Variants in PLB1 observed in about 807,000 individuals in gnomAD.
The protein encoded by PLB1 is phospholipase B1, membrane-associated.
A neutral mutation model predicts 227.4 loss-of-function variants in PLB1; 242 were observed. The observed-to-expected ratio is 1.06, with a 90% confidence interval of 0.96 to 1.18. The LOEUF (loss-of-function observed/expected upper bound fraction) is 1.18, where lower values mean the gene tolerates loss of function less well. PLB1 is among the 50% of genes most tolerant of loss of function. The pLI is 0.00. For missense variants in PLB1, 1,858 were observed against 1,816.3 expected (o/e 1.02, Z -0.42); for synonymous variants, 757 against 682.2 (o/e 1.11, Z -1.71).
At chr2:28,560,765 A>G (rs1281019238) in intron 17 of PLB1, among the ~76,000 whole-genome samples, 2 of 152,250 alleles carry the variant, frequency 1.3e-5, no homozygotes, top group African/African-American at 4.8e-5. Flanking sequence ...TTTACATGAA[A>G]TATCCAGAAT....
intron 17 of PLB1, among the ~76,000 whole-genome samples, chr2:28,558,154 CTCTG>C (rs752332258): frequency 4.7e-5 from 4 of 84,296 alleles, no homozygotes; most frequent in East Asian, 1.1e-3. Context: ...GTGTGTGTGT[CTCTG>C]TGTGTGTGTG....
chr2:28,519,611 G>A (rs1669251919), intron 3 of PLB1, 94 bp from the exon 4 acceptor site: 1 of 925,262 alleles, frequency 1.1e-6, no homozygotes, highest in African/African-American at 1.7e-5. Flanking sequence ...TCCAGGGGCT[G>A]GGGAATGTGA....
intron 49 of PLB1, among the ~76,000 whole-genome samples, chr2:28,623,328 G>A (rs1345747289): frequency 6.6e-6 from 1 of 152,194 alleles, no homozygotes; most frequent in Non-Finnish European, 1.5e-5. Flanking sequence ...GTAGGACTTG[G>A]TCTGGGCCTG....
Position 28,549,412 on chromosome 2 carries a change from CTTTTTTTTTT to C in PLB1, c.1008+494_1008+503del, listed in dbSNP as rs746205635. ...TGGACATAAATGAATGAGATTCTTT[CTTTTTTTTTT>C]TTTTTTTTTTTTGAGACGGAGTCTC... On this transcript the variant is annotated intron_variant, in intron 15 of 57. Coordinates refer to ENST00000327757, the MANE Select transcript of PLB1 (RefSeq NM_153021.5). Among the ~76,000 whole-genome samples, 188 of 87,300 alleles carry C rather than the reference CTTTTTTTTTT, an allele frequency of 2.2e-3. 2 individuals carry two copies. The highest frequency in any genetic ancestry group is 5.3e-3 in the South Asian group (12 of 2,244). The allele number at this position is 87,300 out of a possible 152,430, so 57.3% of individuals were successfully genotyped here.
chr2:28,640,836 G>A (rs1228942365), intron 56 of PLB1, 91 bp from the exon 57 acceptor site: 7 of 1,339,466 alleles, frequency 5.2e-6, no homozygotes, highest in Admixed American at 2.3e-5. Context: ...CCCCGTTCCC[G>A]AGGGAGGGGC....
intron 6 of PLB1, 98 bp from the exon 7 acceptor site, chr2:28,529,219 A>G: frequency 1.3e-6 from 1 of 787,946 alleles, no homozygotes; most frequent in East Asian, 2.5e-5. Context: ...TACTGAGATT[A>G]TAGGCATGAG....
Position 28,601,966 on chromosome 2 carries a change from T to C in PLB1, c.2673+2T>C, listed in dbSNP as rs1683981749. 2 of 1,608,258 alleles carry C rather than the reference T, an allele frequency of 1.2e-6. No homozygotes were observed. The highest frequency in any genetic ancestry group is 1.7e-6 in the Non-Finnish European group (2 of 1,175,162). On this transcript the variant is annotated splice_donor_variant, in intron 38 of 57. Coordinates refer to ENST00000327757, the MANE Select transcript of PLB1 (RefSeq NM_153021.5). LOFTEE classifies it high-confidence loss of function. ...GCCTTGGACGTCCTGCATAGAGAGG[T>C]GGGTGGGGGGCTTCCACAAGCTGGT...
intron 4 of PLB1, among the ~76,000 whole-genome samples, chr2:28,522,724 C>A (rs557046985): frequency 1.2e-4 from 18 of 152,338 alleles, no homozygotes; most frequent in South Asian, 4.1e-4. Flanking sequence ...CTCGGCCCCC[C>A]CTTCTCAGGA....
At chr2:28,546,931 G>A (rs1003658043) in intron 14 of PLB1, among the ~76,000 whole-genome samples, 1 of 152,124 alleles carries the variant, frequency 6.6e-6, no homozygotes, top group African/African-American at 2.4e-5. Flanking sequence ...TGGGCGTGGT[G>A]GCTCATGCTT....
chr2:28,540,154 C>G (rs539751423), intron 11 of PLB1, among the ~76,000 whole-genome samples: 1 of 144,358 alleles, frequency 6.9e-6, no homozygotes, highest in Non-Finnish European at 1.5e-5. Flanking sequence ...CCCCCAGGAA[C>G]AGCTTCCCTC....
intron 43 of PLB1, among the ~76,000 whole-genome samples, chr2:28,611,578 A>G (rs1039503512): frequency 2.6e-5 from 4 of 152,104 alleles, no homozygotes; most frequent in Non-Finnish European, 2.9e-5. Flanking sequence ...ACCTGAGCCA[A>G]TTGTGAGTTT....
Position 28,638,803 on chromosome 2 carries a change from C to G in PLB1, c.4099-2124C>G, listed in dbSNP as rs117542819. 1.8e-4 allele frequency among the ~76,000 whole-genome samples: 21 copies of G among 119,114 alleles called. No individual in the cohort carries two copies. In the East Asian group the frequency reaches 4.7e-3, roughly 27 times the overall value. The allele number at this position is 119,114 out of a possible 152,430, so 78.1% of individuals were successfully genotyped here. ...TCAGGATACAGAAGTTTGGAACTCA[C>G]AGAGGAAGTCAAGGCTGGAGATTGA... On this transcript the variant is annotated intron_variant, in intron 56 of 57. Coordinates refer to ENST00000327757, the MANE Select transcript of PLB1 (RefSeq NM_153021.5).
At chr2:28,531,188 T>G (rs933982410) in intron 8 of PLB1, among the ~76,000 whole-genome samples, 5 of 152,248 alleles carry the variant, frequency 3.3e-5, no homozygotes, top group Middle Eastern at 3.2e-3. Context: ...AACCCAAAGA[T>G]AATTATGGTT....
At chr2:28,634,088 C>T (rs1211058389) in intron 56 of PLB1, among the ~76,000 whole-genome samples, 3 of 152,192 alleles carry the variant, frequency 2.0e-5, no homozygotes, top group East Asian at 1.9e-4. Context: ...TTAAGAACAG[C>T]ATGTAAACTG....
intron 29 of PLB1, 136 bp from the exon 30 acceptor site, chr2:28,590,997 G>T (rs1176005352): frequency 1.9e-5 from 20 of 1,063,934 alleles, no homozygotes; most frequent in Non-Finnish European, 2.5e-5. Flanking sequence ...GAGGGAGTCA[G>T]CCTGGTAGAG....
intron 35 of PLB1, among the ~76,000 whole-genome samples, chr2:28,599,902 C>T (rs908341384): frequency 4.6e-5 from 7 of 152,152 alleles, no homozygotes; most frequent in African/African-American, 1.7e-4. Context: ...GCATGAGCCA[C>T]TGCACCTGGC....
intron 10 of PLB1, 69 bp from the exon 11 acceptor site, chr2:28,539,030 A>G (rs759908487): frequency 1.1e-5 from 14 of 1,260,216 alleles, no homozygotes; most frequent in Non-Finnish European, 1.4e-5. Context: ...CCCAAGCAGG[A>G]GTTCCAGAAA....
chr2:28,561,455 A>G (rs979192683), intron 17 of PLB1, among the ~76,000 whole-genome samples: 2 of 152,248 alleles, frequency 1.3e-5, no homozygotes, highest in African/African-American at 4.8e-5. Context: ...CAGGCATTCA[A>G]ACAAACACTC....
At chr2:28,619,734 GC>G (rs989291921) in intron 46 of PLB1, among the ~76,000 whole-genome samples, 10 of 152,208 alleles carry the variant, frequency 6.6e-5, no homozygotes, top group African/African-American at 2.4e-4. Flanking sequence ...AATTAGCTTA[GC>G]CCTGAAGATT....
Sources: allele counts gnomAD v4.1 joint callset (sites outside exome capture counted in the v4.1 genomes callset), GRCh38; gene constraint gnomAD v4.1.1; transcripts MANE v1.5; gene names NCBI Gene and HGNC (gene_info 2026-07-23, HGNC 2026-07-21).